Variants in LCORL observed in about 807,000 individuals in gnomAD.
LCORL encodes ligand-dependent nuclear receptor corepressor-like protein.
Under a neutral mutation model 141.8 loss-of-function variants are expected in LCORL, and 41 were observed. The ratio of observed to expected loss-of-function variants is 0.29; its 90% confidence interval spans 0.23 to 0.38. LCORL has a LOEUF of 0.38. Among genes scored for constraint, LCORL ranks in the 10% least tolerant of loss-of-function variants. The pLI is 1.00. For missense variants in LCORL, 1,759 were observed against 2,035.0 expected (o/e 0.86, Z 2.61); for synonymous variants, 618 against 694.1 (o/e 0.89, Z 1.72).
intron 5 of LCORL, among the ~76,000 whole-genome samples, chr4:17,890,580 T>C (rs562551465): frequency 6.6e-6 from 1 of 152,190 alleles, no homozygotes; most frequent in South Asian, 2.1e-4. Context: ...TTACTAACAT[T>C]TAATAAATAC....
intron 6 of LCORL, chr4:17,881,475 T>C (rs890776365): frequency 3.0e-5 from 26 of 865,292 alleles, no homozygotes; most frequent in African/African-American, 7.3e-5. Context: ...TCAAAAAATA[T>C]TTTAATTTAC....
At chr4:17,905,714 T>G (rs1731502262) in intron 5 of LCORL, among the ~76,000 whole-genome samples, 1 of 152,114 alleles carries the variant, frequency 6.6e-6, no homozygotes, top group Admixed American at 6.5e-5. Context: ...AGATTATCTA[T>G]TGGATTTATG....
intron 6 of LCORL, among the ~76,000 whole-genome samples, chr4:17,878,508 T>C (rs1256744979): frequency 6.6e-6 from 1 of 151,440 alleles, no homozygotes. Flanking sequence ...ATTAAGAATA[T>C]TTAATGGAAA....
In LCORL at chr4:17,884,310, T is replaced by G. The variant is rs1177036903; in HGVS notation, c.776+1758A>C. ...GGAATTTTTAACTGTACAGTAGGATTTGAAGTTTCATATTGGAGGCTTTCA... is the reference window on the plus strand; with the variant it reads ...GGAATTTTTAACTGTACAGTAGGATGTGAAGTTTCATATTGGAGGCTTTCA... On this transcript the variant is annotated intron_variant, in intron 6 of 7. Transcript: ENST00000635767. The surrounding 1 kb of genome is among the most constrained non-coding windows in gnomAD (Gnocchi z 4.4). The G allele has an allele frequency of 6.5e-7, 1 of 1,549,158 alleles. No individual in the cohort carries two copies. Among genetic ancestry groups the G allele is most frequent in the Non-Finnish European group, 8.7e-7 (1 of 1,145,994 alleles).
Position 17,997,611 on chromosome 4 carries a change from AT to A in LCORL, c.154+23986del, listed in dbSNP as rs555245938. ...TAAAACAAGTGACAAAAGTCTTCAAATTTTTTTTAAAGTTTTATTGAGCTCC... is the reference window on the plus strand; with the variant it reads ...TAAAACAAGTGACAAAAGTCTTCAAATTTTTTTAAAGTTTTATTGAGCTCC... On this transcript the variant is annotated intron_variant, in intron 1 of 7. Coordinates refer to ENST00000635767, the Ensembl canonical transcript of LCORL. Among the ~76,000 whole-genome samples, 197 of 152,196 alleles carry A rather than the reference AT, an allele frequency of 1.3e-3. 1 individual carries two copies. The highest frequency in any genetic ancestry group is 4.2e-3 in the African/African-American group (176 of 41,552).
intron 5 of LCORL, among the ~76,000 whole-genome samples, chr4:17,901,409 T>A (rs1329132762): frequency 1.3e-5 from 2 of 151,006 alleles, no homozygotes; most frequent in African/African-American, 4.8e-5. Flanking sequence ...AACAAAATCC[T>A]GAGAGTTTAC....
intron 4 of LCORL, among the ~76,000 whole-genome samples, chr4:17,928,139 G>GC (rs1431464361): frequency 6.6e-6 from 1 of 152,180 alleles, no homozygotes; most frequent in African/African-American, 2.4e-5. Flanking sequence ...GGGCATAGTA[G>GC]CTCAAGCCTG....
chr4:17,884,505 T>C lies in LCORL; in HGVS notation c.776+1563A>G. 6.5e-7 allele frequency: 1 copy of C among 1,544,858 alleles called. No homozygotes were observed. The highest frequency in any genetic ancestry group is 8.7e-7 in the Non-Finnish European group (1 of 1,144,962). ...GCTACTTTTTGCAGCACTGCACAAG[T>C]TTCTTTACTGTCCTTATATGAATAA... On this transcript the variant is annotated intron_variant, in intron 6 of 7. Coordinates refer to ENST00000635767, the Ensembl canonical transcript of LCORL. This position sits in a 1 kb window ranked among gnomAD's most constrained non-coding sequence, Gnocchi z 4.4.
At chr4:17,945,812 A>G (rs995002242) in intron 4 of LCORL, among the ~76,000 whole-genome samples, 2 of 144,004 alleles carry the variant, frequency 1.4e-5, no homozygotes, top group South Asian at 4.3e-4. Flanking sequence ...CGTATATGTT[A>G]AAAAAAAAAA....
intron 6 of LCORL, among the ~76,000 whole-genome samples, chr4:17,885,535 C>A (rs758874134): frequency 6.6e-6 from 1 of 151,624 alleles, no homozygotes; most frequent in African/African-American, 2.4e-5. Context: ...TCCAACAGAA[C>A]AGCATTTCAC....
chr4:17,969,221 C>T (rs1715485380), intron 2 of LCORL, among the ~76,000 whole-genome samples: 1 of 152,260 alleles, frequency 6.6e-6, no homozygotes, highest in African/African-American at 2.4e-5. Context: ...TCTAAAAGTA[C>T]ACCAATGTGT....
At chr4:17,881,946 G>C (rs1214363743) in intron 6 of LCORL, 1 of 976,738 alleles carries the variant, frequency 1.0e-6, no homozygotes, top group Non-Finnish European at 1.2e-6. Context: ...GACATCTGCT[G>C]TTCTGTAATC....
At chr4:17,910,194 G>C (rs1196971550) in intron 4 of LCORL, among the ~76,000 whole-genome samples, 2 of 152,290 alleles carry the variant, frequency 1.3e-5, no homozygotes, top group South Asian at 2.1e-4. Context: ...AATGATTTTA[G>C]TAAGAAGTGT....
intron 4 of LCORL, among the ~76,000 whole-genome samples, chr4:17,925,394 C>T (rs531522657): frequency 6.6e-6 from 1 of 152,230 alleles, no homozygotes; most frequent in South Asian, 2.1e-4. Flanking sequence ...ATGGCCCAGA[C>T]CCTTTGGGAA....
exon 7 of LCORL, chr4:17,873,971 C>T: frequency 1.6e-6 from 2 of 1,234,048 alleles, no homozygotes; most frequent in Non-Finnish European, 2.0e-6. Context: ...GCATTACTAC[C>T]CTCTGCTGCA....
chr4:17,931,460 G>A (rs1736024922), intron 4 of LCORL, among the ~76,000 whole-genome samples: 1 of 151,594 alleles, frequency 6.6e-6, no homozygotes, highest in African/African-American at 2.4e-5. Flanking sequence ...TAAGGCTGTT[G>A]AATCTTTTTC....
intron 6 of LCORL, chr4:17,883,505 T>C (rs559882947): frequency 1.5e-6 from 2 of 1,290,696 alleles, no homozygotes; most frequent in South Asian, 6.0e-5. Context: ...TAAGCAACTA[T>C]ATAATTCTGT....
chr4:17,916,883 G>A (rs1733529564), intron 4 of LCORL, among the ~76,000 whole-genome samples: 1 of 151,926 alleles, frequency 6.6e-6, no homozygotes, highest in South Asian at 2.1e-4. Context: ...GGCCTTAAGT[G>A]GGCTGCCTGC....
intron 5 of LCORL, among the ~76,000 whole-genome samples, chr4:17,895,245 C>G (rs114497320): frequency 1.9e-4 from 29 of 152,122 alleles, no homozygotes; most frequent in African/African-American, 6.7e-4. Flanking sequence ...TATTGTGCAA[C>G]AAAACACAAG....
Sources: gnomAD v4.1 joint callset for allele counts (sites outside exome capture counted in the v4.1 genomes callset) on GRCh38, gnomAD v4.1.1 for gene constraint, Gnocchi (gnomAD v3.1) non-coding constraint, MANE v1.5 for transcripts, NCBI Gene and HGNC (gene_info 2026-07-23, HGNC 2026-07-21) for gene names.